The following TRIB2 variants were observed in gnomAD, a reference collection of about 807,000 sequenced individuals.
TRIB2 encodes tribbles homolog 2.
TRIB2 carries 2 observed loss-of-function variants against 26.8 expected under a neutral mutation model. The ratio of observed to expected loss-of-function variants is 0.07; its 90% CI spans 0.03 to 0.24. TRIB2 has a LOEUF of 0.24. Among genes scored for constraint, TRIB2 ranks in the 10% least tolerant of loss-of-function variants. TRIB2 has a pLI of 1.00. For missense variants in TRIB2, 306 were observed against 449.0 expected (o/e 0.68, Z 2.88); for synonymous variants, 189 against 187.3 (o/e 1.01, Z -0.08).
Position 12,740,816 on chromosome 2 carries a change from A to G in TRIB2, c.*22A>G. On this transcript the variant is annotated 3_prime_UTR_variant, in exon 3 of 3. Coordinates refer to ENST00000155926, the MANE Select transcript of TRIB2 (RefSeq NM_021643.4). The surrounding 1 kb of genome is among the most constrained non-coding windows in gnomAD (Gnocchi z 5.8). ...CTGAGCTCATGCCCCACGGAGACTTAGCAGGTTCCAGGAGTGAGCGAGGGC... is the reference window on the plus strand; with the variant it reads ...CTGAGCTCATGCCCCACGGAGACTTGGCAGGTTCCAGGAGTGAGCGAGGGC... The G allele has an allele frequency of 6.2e-7, 1 of 1,605,344 alleles. No homozygotes were observed. Among genetic ancestry groups the G allele is most frequent in the Non-Finnish European group, 8.5e-7 (1 of 1,174,392 alleles).
At chr2:12,722,033 T>C (rs1403512360) in intron 1 of TRIB2, among the ~76,000 whole-genome samples, 3 of 152,174 alleles carry the variant, frequency 2.0e-5, no homozygotes, top group Non-Finnish European at 2.9e-5. Context: ...TAAATCAACA[T>C]CTTCATTTTA....
intron 2 of TRIB2, among the ~76,000 whole-genome samples, chr2:12,730,895 T>G (rs1305368561): frequency 6.6e-6 from 1 of 152,180 alleles, no homozygotes; most frequent in Non-Finnish European, 1.5e-5. Context: ...CTATTTGAAA[T>G]TTCTTTGGAC....
At chr2:12,720,277 C>A (rs570188441) in intron 1 of TRIB2, among the ~76,000 whole-genome samples, 17 of 152,286 alleles carry the variant, frequency 1.1e-4, no homozygotes, top group Admixed American at 6.5e-4. Flanking sequence ...TGTGCTCTGG[C>A]CTCAAATTGG....
In TRIB2 at chr2:12,718,261, C is replaced by T. The variant is rs1219391448; in HGVS notation, c.-47C>T. The T allele has an allele frequency of 6.3e-7, 1 of 1,581,516 alleles. No homozygotes were observed. Among genetic ancestry groups the T allele is most frequent in the Non-Finnish European group, 8.6e-7 (1 of 1,162,684 alleles). Reference sequence around the variant, plus strand: ...GCAGCCGCACTCGCCAGCGACTCATCTCTCCAGCGGGTTTTTTTTTGTTTG... The same window carrying T: ...GCAGCCGCACTCGCCAGCGACTCATTTCTCCAGCGGGTTTTTTTTTGTTTG... On this transcript the variant is annotated 5_prime_UTR_variant, in exon 1 of 3. Coordinates refer to ENST00000155926, the MANE Select transcript of TRIB2 (RefSeq NM_021643.4). The surrounding 1 kb of genome is among the most constrained non-coding windows in gnomAD (Gnocchi z 4.0).
At chr2:12,719,972 A>C (rs1342346853) in intron 1 of TRIB2, among the ~76,000 whole-genome samples, 1 of 152,248 alleles carries the variant, frequency 6.6e-6, no homozygotes, top group East Asian at 1.9e-4. Context: ...TAGGATAGTC[A>C]TCCTTTGAAA....
chr2:12,729,126 G>A (rs1478320476), intron 2 of TRIB2, among the ~76,000 whole-genome samples: 1 of 152,154 alleles, frequency 6.6e-6, no homozygotes, highest in Non-Finnish European at 1.5e-5. Flanking sequence ...CCAACCTTTG[G>A]GGAAGGCTGG....
intron 2 of TRIB2, among the ~76,000 whole-genome samples, chr2:12,726,364 T>C (rs1223001832): frequency 6.6e-6 from 1 of 152,236 alleles, no homozygotes; most frequent in African/African-American, 2.4e-5. Flanking sequence ...CCTGGCAGCA[T>C]TGAGTTTCAT....
chr2:12,720,233 CT>C (rs1416624250), intron 1 of TRIB2, among the ~76,000 whole-genome samples: 1 of 152,222 alleles, frequency 6.6e-6, no homozygotes, highest in Non-Finnish European at 1.5e-5. Flanking sequence ...ACATATTTCA[CT>C]TTGGGCTGAC....
At position 12,740,836 on chromosome 2, in the gene TRIB2, G is replaced by A. The variant is rs776251980; in HGVS notation, c.*42G>A. On this transcript the variant is annotated 3_prime_UTR_variant, in exon 3 of 3. Coordinates refer to ENST00000155926, the MANE Select transcript of TRIB2 (RefSeq NM_021643.4). The surrounding 1 kb of genome is among the most constrained non-coding windows in gnomAD (Gnocchi z 5.8). ...GACTTAGCAGGTTCCAGGAGTGAGC[G>A]AGGGCAGCGGAAAGGAGTTCTTCCG... 9 of 1,557,696 alleles carry A rather than the reference G, an allele frequency of 5.8e-6. No individual in the cohort carries two copies. The South Asian group carries it at 8.3e-5, about 14-fold the overall frequency.
Position 12,728,395 on chromosome 2 carries a change from T to G in TRIB2, c.563+4843T>G, listed in dbSNP as rs577562917. Among the ~76,000 whole-genome samples, 471 of 152,142 alleles carry G rather than the reference T, an allele frequency of 3.1e-3. 2 individuals are homozygous for G. The highest frequency in any genetic ancestry group is 0.011 in the African/African-American group (438 of 41,458). ...CTCACTCAAGATGCGAAGAGCCCTT[T>G]GAGCAGGTGCACCCTTATGCTGCTC... On this transcript the variant is annotated intron_variant, in intron 2 of 2. Coordinates refer to ENST00000155926, the MANE Select transcript of TRIB2 (RefSeq NM_021643.4).
rs1666633619 is a variant in TRIB2, at chr2:12,717,929, G to A, written c.-379G>A. On this transcript the variant is annotated 5_prime_UTR_variant, in exon 1 of 3. Transcript: ENST00000155926. This position sits in a 1 kb window ranked among gnomAD's most constrained non-coding sequence, Gnocchi z 4.8. ...CGTCTGCGATTCGGAAGCCGGCCTG[G>A]GGGTCGCGTCGGGAGCCCTGGCGCT... 1 of 249,230 alleles carries A rather than the reference G, an allele frequency of 4.0e-6. No homozygotes were observed. The highest frequency in any genetic ancestry group is 5.0e-5 in the Admixed American group (1 of 20,146). 15.4% of individuals were successfully genotyped at this position (249,230 alleles called of 1,614,324 possible).
At position 12,717,472 on chromosome 2, in the gene TRIB2, C is replaced by T; in HGVS notation, c.-836C>T. 2.5e-6 allele frequency: 1 copy of T among 398,480 alleles called. No individual in the cohort carries two copies. 24.7% of individuals were successfully genotyped at this position (398,480 alleles called of 1,614,324 possible). ...GGCGACAGCATGAGCCTGTGCTGAC[C>T]TCCGCGCGGCGGGCCGAGCCCAGGG... On this transcript the variant is annotated 5_prime_UTR_variant, in exon 1 of 3. Transcript: ENST00000155926. This position sits in a 1 kb window ranked among gnomAD's most constrained non-coding sequence, Gnocchi z 4.8.
rs11904711 is a variant in TRIB2 at position 12,739,849 on chromosome 2, G to A, written c.564-477G>A. Reference sequence around the variant, plus strand: ...AGTGAGGCCAAAATGCAAGTAAGGTGAAAGGTCTTTGTGGACTGTGGTCTG... The same window carrying A: ...AGTGAGGCCAAAATGCAAGTAAGGTAAAAGGTCTTTGTGGACTGTGGTCTG... On this transcript the variant is annotated intron_variant, in intron 2 of 2. Transcript: ENST00000155926. Among the ~76,000 whole-genome samples the A allele has an allele frequency of 4.3e-3, 653 of 152,314 alleles. 4 individuals are homozygous for A. The highest frequency in any genetic ancestry group is 0.015 in the African/African-American group (620 of 41,558).
chr2:12,740,231 G>A lies in TRIB2; in HGVS notation c.564-95G>A. ...GTGAATGAATGAATGTGAATGAGGA[G>A]TCTTCAGAAACACTATAGTCGGTTA... On this transcript the variant is annotated intron_variant, in intron 2 of 2. Transcript: ENST00000155926. The surrounding 1 kb of genome is among the most constrained non-coding windows in gnomAD (Gnocchi z 5.8). The A allele has an allele frequency of 8.4e-7, 1 of 1,190,210 alleles. No individual in the cohort carries two copies. The highest frequency in any genetic ancestry group is 2.3e-5 in the East Asian group (1 of 42,602). The allele number at this position is 1,190,210 out of a possible 1,614,324, so 73.7% of individuals were successfully genotyped here.
Position 12,718,401 on chromosome 2 carries a change from T to C in TRIB2, c.94T>C (p.Ser32Pro). 6.2e-7 allele frequency: 1 copy of C among 1,614,106 alleles called. No individual in the cohort carries two copies. Among genetic ancestry groups the C allele is most frequent in the Non-Finnish European group, 8.5e-7 (1 of 1,180,010 alleles). The change falls in exon 1 of 3, where the codon TCC becomes CCC. Residue 32 changes from serine (S) to proline (P), a missense_variant. Around this residue, in one of 4 missense-constraint regions of TRIB2, gnomAD observed 99 missense variants for 106.5 expected, o/e 0.93. Transcript: ENST00000155926. This position sits in a 1 kb window ranked among gnomAD's most constrained non-coding sequence, Gnocchi z 4.0. ...QDFEELSSIRSAEPSQSFSPN... is the reference protein window; with the variant it reads ...QDFEELSSIRPAEPSQSFSPN... Reference sequence around the variant, plus strand: ...TTTCGAAGAGTTGTCGTCTATAAGGTCCGCGGAGCCCAGCCAGAGTTTCAG... The same window carrying C: ...TTTCGAAGAGTTGTCGTCTATAAGGCCCGCGGAGCCCAGCCAGAGTTTCAG...
At chr2:12,731,813 C>T (rs1434669288) in intron 2 of TRIB2, among the ~76,000 whole-genome samples, 1 of 152,206 alleles carries the variant, frequency 6.6e-6, no homozygotes, top group Non-Finnish European at 1.5e-5. Flanking sequence ...TCCCACCCCA[C>T]ACCTGGAACA....
rs1666657318 is a variant in TRIB2 at position 12,718,741 on chromosome 2, T to C, written c.270+164T>C. On this transcript the variant is annotated intron_variant, in intron 1 of 2. Transcript: ENST00000155926. The surrounding 1 kb of genome is among the most constrained non-coding windows in gnomAD (Gnocchi z 4.0). The stretch of plus-strand genomic sequence containing the variant: ...CTCAGGTTCGGTAAGTTGCGAAGTT[T>C]TTAGACCGTTTCAGACAATGGGGCG... 6.6e-6 allele frequency among the ~76,000 whole-genome samples: 1 copy of C among 152,182 alleles called. No homozygotes were observed. The highest frequency in any genetic ancestry group is 2.4e-5 in the African/African-American group (1 of 41,458).
chr2:12,724,961 C>A, intron 2 of TRIB2: 1 of 1,322,278 alleles, frequency 7.6e-7, no homozygotes, highest in Non-Finnish European at 1.0e-6. Flanking sequence ...TATTTGTTTA[C>A]CTCTTACCAT....
At chr2:12,736,065 T>C (rs1274039007) in intron 2 of TRIB2, among the ~76,000 whole-genome samples, 1 of 152,032 alleles carries the variant, frequency 6.6e-6, no homozygotes, top group Non-Finnish European at 1.5e-5. Context: ...TTCTGAGGCT[T>C]CCAGAAAGAG....
Sources: gnomAD v4.1 joint callset for allele counts (sites outside exome capture counted in the v4.1 genomes callset) on GRCh38, gnomAD v4.1.1 for gene constraint, gnomAD v4.1.1 regional missense constraint, Gnocchi (gnomAD v3.1) non-coding constraint, MANE v1.5 for transcripts, NCBI Gene and HGNC (gene_info 2026-07-23, HGNC 2026-07-21) for gene names.